Variants in TPRG1 observed in about 807,000 individuals in gnomAD.
TPRG1 encodes tumor protein p63 regulated 1, also known as tumor protein p63-regulated gene 1 protein.
In TPRG1, 29 loss-of-function variants were observed where a neutral mutation model predicts 29.3. That is an observed-to-expected ratio of 0.99 (90% CI 0.74 to 1.35). The LOEUF is 1.35. Among genes scored for constraint, TPRG1 ranks in the 40% most tolerant of loss-of-function variants. The probability of loss-of-function intolerance (pLI) is 0.00; values close to 1 mark genes in which losing one functional copy is unlikely to be tolerated. For synonymous variants in TPRG1, 130 were observed against 116.8 expected (o/e 1.11, Z -0.73); for missense variants, 327 against 335.0 (o/e 0.98, Z 0.19).
At chr3:189,175,763 A>G (rs1645660783) in intron 1 of TPRG1, among the ~76,000 whole-genome samples, 1 of 152,242 alleles carries the variant, frequency 6.6e-6, no homozygotes, top group East Asian at 1.9e-4. Flanking sequence ...AAATATGTTA[A>G]GCAACCTATA....
At chr3:189,198,041 G>C (rs1249883034) in intron 1 of TPRG1, among the ~76,000 whole-genome samples, 1 of 152,204 alleles carries the variant, frequency 6.6e-6, no homozygotes, top group East Asian at 1.9e-4. Context: ...TACAGAGAAA[G>C]TGTGAGAAGT....
At chr3:189,146,967 T>C (rs1725345204) in intron 3 of TPRG1, among the ~76,000 whole-genome samples, 1 of 152,214 alleles carries the variant, frequency 6.6e-6, no homozygotes, top group African/African-American at 2.4e-5. Context: ...TCCTGCCTTA[T>C]CATTTAATCT....
At chr3:189,117,459 C>T (rs1382455565) in intron 1 of TPRG1, among the ~76,000 whole-genome samples, 2 of 152,218 alleles carry the variant, frequency 1.3e-5, no homozygotes, top group Non-Finnish European at 2.9e-5. Context: ...AGCTGGACTC[C>T]ATGCCCTGTA....
intron 4 of TPRG1, among the ~76,000 whole-genome samples, chr3:189,087,700 G>A (rs1352675162): frequency 6.6e-6 from 1 of 152,178 alleles, no homozygotes; most frequent in Non-Finnish European, 1.5e-5. Context: ...GTAAGGAAGG[G>A]ATCCAGTTTC....
At chr3:189,251,974 T>C (rs1300910532) in intron 4 of TPRG1, among the ~76,000 whole-genome samples, 1 of 152,150 alleles carries the variant, frequency 6.6e-6, no homozygotes, top group Non-Finnish European at 1.5e-5. Flanking sequence ...AGGCCATATT[T>C]CAGACTATCA....
intron 5 of TPRG1, among the ~76,000 whole-genome samples, chr3:189,319,819 C>A (rs536178694): frequency 6.6e-6 from 1 of 152,200 alleles, no homozygotes; most frequent in South Asian, 2.1e-4. Flanking sequence ...CAACCTCTTT[C>A]CTTTGATCAC....
intron 4 of TPRG1, among the ~76,000 whole-genome samples, chr3:189,077,574 C>A (rs758681236): frequency 6.6e-6 from 1 of 152,032 alleles, no homozygotes; most frequent in Non-Finnish European, 1.5e-5. Context: ...TATAGGTGTA[C>A]AAAATTGTCA....
chr3:189,147,882 G>A (rs1725462501), intron 4 of TPRG1, among the ~76,000 whole-genome samples: 1 of 152,164 alleles, frequency 6.6e-6, no homozygotes, highest in Non-Finnish European at 1.5e-5. Flanking sequence ...GGATGTGGGT[G>A]GTCGTTCTTC....
intron 1 of TPRG1, among the ~76,000 whole-genome samples, chr3:189,124,343 A>G (rs543217883): frequency 6.6e-6 from 1 of 152,256 alleles, no homozygotes; most frequent in Admixed American, 6.5e-5. Context: ...AGGGGTGACA[A>G]AAGCTCCATC....
chr3:189,164,893 C>A (rs1727963260), intron 5 of TPRG1, among the ~76,000 whole-genome samples: 1 of 152,184 alleles, frequency 6.6e-6, no homozygotes, highest in African/African-American at 2.4e-5. Context: ...GGAGCTGGAG[C>A]TTGTCCTCAG....
intron 3 of TPRG1, among the ~76,000 whole-genome samples, chr3:189,013,909 A>G (rs1194200501): frequency 1.3e-5 from 2 of 152,136 alleles, no homozygotes; most frequent in African/African-American, 4.8e-5. Flanking sequence ...TACCTGTGAA[A>G]TGGATCTCTT....
chr3:189,213,077 A>G (rs1274816071), intron 2 of TPRG1, among the ~76,000 whole-genome samples: 1 of 152,182 alleles, frequency 6.6e-6, no homozygotes, highest in Non-Finnish European at 1.5e-5. Context: ...TTATTCAATT[A>G]CAGTAAACAT....
At chr3:189,104,186 A>T (rs1719537858) in intron 1 of TPRG1, among the ~76,000 whole-genome samples, 1 of 152,066 alleles carries the variant, frequency 6.6e-6, no homozygotes, top group South Asian at 2.1e-4. Context: ...TGCTTAACTG[A>T]TGTATGTTGA....
intron 4 of TPRG1, among the ~76,000 whole-genome samples, chr3:189,290,788 T>C (rs1273294532): frequency 6.6e-6 from 1 of 152,178 alleles, no homozygotes; most frequent in Non-Finnish European, 1.5e-5. Context: ...TGAGTACAAG[T>C]GCTGATGTTG....
intron 3 of TPRG1, among the ~76,000 whole-genome samples, chr3:189,230,857 T>A (rs926090880): frequency 2.6e-5 from 4 of 152,214 alleles, no homozygotes; most frequent in Non-Finnish European, 5.9e-5. Context: ...TGCCACGTAG[T>A]GAGAAGAAGT....
chr3:189,193,583 T>A (rs1377882931), intron 1 of TPRG1, among the ~76,000 whole-genome samples: 1 of 150,938 alleles, frequency 6.6e-6, no homozygotes. Context: ...ATAAGTCTTG[T>A]AAGCTTTCCT....
intron 4 of TPRG1, among the ~76,000 whole-genome samples, chr3:189,087,089 TC>T (rs896187772): frequency 2.6e-5 from 4 of 152,318 alleles, no homozygotes; most frequent in Admixed American, 2.6e-4. Context: ...CACACTGTCT[TC>T]CACAGTGGTG....
intron 4 of TPRG1, among the ~76,000 whole-genome samples, chr3:189,048,049 A>G (rs1406195298): frequency 3.3e-5 from 5 of 152,230 alleles, no homozygotes. Flanking sequence ...AATTCCTTCC[A>G]GAAGGTTTTC....
intron 4 of TPRG1, among the ~76,000 whole-genome samples, chr3:189,306,752 CA>C (rs1721688276): frequency 6.6e-6 from 1 of 152,104 alleles, no homozygotes; most frequent in African/African-American, 2.4e-5. Flanking sequence ...AGTAGACACT[CA>C]ATATATGCTG....
Sources: allele counts gnomAD v4.1 joint callset (sites outside exome capture counted in the v4.1 genomes callset), GRCh38; gene constraint gnomAD v4.1.1; transcripts MANE v1.5; gene names NCBI Gene and HGNC (gene_info 2026-07-23, HGNC 2026-07-21).